ZNF91: variants seen among roughly 807,000 people sequenced by gnomAD.
The protein encoded by ZNF91 is zinc finger protein 91 (HPF7, HTF10).
Under a neutral mutation model 12.6 loss-of-function variants are expected in ZNF91, and 7 were observed. The observed-to-expected ratio is 0.55, with a 90% CI of 0.31 to 1.04. The LOEUF (loss-of-function observed/expected upper bound fraction) is 1.04. ZNF91 is among the 50% of genes least tolerant of loss of function. The pLI is 0.05. For missense variants in ZNF91, 1,217 were observed against 1,385.4 expected (o/e 0.88, Z 1.93); for synonymous variants, 453 against 462.6 (o/e 0.98, Z 0.27).
At chr19:23,343,880 TAAA>T (rs1968169379) in intron 3 of ZNF91, among the ~76,000 whole-genome samples, 1 of 152,210 alleles carries the variant, frequency 6.6e-6, no homozygotes, top group Non-Finnish European at 1.5e-5. Flanking sequence ...GCTTTCAGAT[TAAA>T]TGTGATTGTT....
At chr19:23,325,031 G>T (rs1289272510) in intron 1 of ZNF91, 1 of 151,684 alleles carries the variant, frequency 6.6e-6, no homozygotes, top group African/African-American at 2.4e-5. Flanking sequence ...TAATTTATAT[G>T]ATCTGGGACC....
intron 1 of ZNF91, among the ~76,000 whole-genome samples, chr19:23,331,664 G>C (rs1967930367): frequency 6.6e-6 from 1 of 152,110 alleles, no homozygotes; most frequent in Non-Finnish European, 1.5e-5. Context: ...GAACATGGTG[G>C]TCTGTGTGTT....
chr19:23,392,319 C>T lies in ZNF91; in HGVS notation c.30+3006G>A, dbSNP rs1970092731. 3.3e-5 allele frequency among the ~76,000 whole-genome samples: 5 copies of T among 149,886 alleles called. No individual in the cohort carries two copies. The South Asian group carries it at 1.0e-3, about 31-fold the overall frequency. On this transcript the variant is annotated intron_variant, in intron 1 of 3. Coordinates refer to ENST00000300619, the MANE Select transcript of ZNF91 (RefSeq NM_003430.4). ...GCTGAGGCAGGAGAATCACCTGAACCCAAAAGGCAGAGGTTGCAGTGAGTT... is the reference window on the plus strand; with the variant it reads ...GCTGAGGCAGGAGAATCACCTGAACTCAAAAGGCAGAGGTTGCAGTGAGTT...
chr19:23,337,954 A>G (rs1239272058), downstream of ZNF91: 1 of 152,128 alleles, frequency 6.6e-6, no homozygotes, highest in Non-Finnish European at 1.5e-5. Context: ...ACACTCAGAC[A>G]AAAATAAGGA....
intron 1 of ZNF91, among the ~76,000 whole-genome samples, chr19:23,384,311 G>C (rs1274619071): frequency 4.6e-5 from 7 of 152,030 alleles, no homozygotes; most frequent in Non-Finnish European, 1.0e-4. Context: ...AGGGACCTGG[G>C]GAGCTGCAGC....
chr19:23,357,614 T>C (rs986169069), downstream of ZNF91: 1 of 152,208 alleles, frequency 6.6e-6, no homozygotes, highest in African/African-American at 2.4e-5. Context: ...TAACAGTCCA[T>C]ATGTGCTTGC....
At chr19:23,337,604 C>T (rs1968039788), downstream of ZNF91, among the ~76,000 whole-genome samples, 1 of 151,650 alleles carries the variant, frequency 6.6e-6, no homozygotes, top group African/African-American at 2.4e-5. Context: ...AGGCTTATGA[C>T]ACTTTCAAAG....
intron 1 of ZNF91, among the ~76,000 whole-genome samples, chr19:23,387,973 C>CAGTG (rs1339164018): frequency 2.1e-5 from 3 of 141,284 alleles, no homozygotes; most frequent in African/African-American, 8.0e-5. Flanking sequence ...AGGCCAGGCA[C>CAGTG]AGTGGCTCAT....
chr19:23,314,723 T>C (rs1174706491), upstream of ZNF91, among the ~76,000 whole-genome samples: 1 of 152,206 alleles, frequency 6.6e-6, no homozygotes, highest in African/African-American at 2.4e-5. Flanking sequence ...GTAACTCTTC[T>C]TCCTGGGCTC....
intron 1 of ZNF91, among the ~76,000 whole-genome samples, chr19:23,333,007 A>T (rs949460994): frequency 6.6e-6 from 1 of 152,188 alleles, no homozygotes; most frequent in Non-Finnish European, 1.5e-5. Context: ...CATGGTGGGA[A>T]ATATTCCAGA....
At chr19:23,384,242 A>T (rs1233866299) in intron 1 of ZNF91, among the ~76,000 whole-genome samples, 1 of 152,184 alleles carries the variant, frequency 6.6e-6, no homozygotes, top group Non-Finnish European at 1.5e-5. Context: ...TAAACTTACA[A>T]ATAACTTCAG....
At chr19:23,322,444 G>C (rs1472819353) in intron 1 of ZNF91, among the ~76,000 whole-genome samples, 1 of 152,134 alleles carries the variant, frequency 6.6e-6, no homozygotes, top group African/African-American at 2.4e-5. Context: ...ACATATGTCT[G>C]GATCCAAAAC....
At chr19:23,369,887 T>C (rs1254370225) in intron 3 of ZNF91, among the ~76,000 whole-genome samples, 3 of 150,834 alleles carry the variant, frequency 2.0e-5, no homozygotes, top group African/African-American at 4.9e-5. Flanking sequence ...CAGGGTCCTC[T>C]GCCTAGGAAA....
At chr19:23,335,767 G>A (rs183498829), downstream of ZNF91, among the ~76,000 whole-genome samples, 14 of 152,248 alleles carry the variant, frequency 9.2e-5, no homozygotes, top group Non-Finnish European at 8.8e-5. Context: ...GACCCCTTGC[G>A]CTTTCTGGGT....
chr19:23,387,459 G>A (rs75124187), intron 1 of ZNF91, among the ~76,000 whole-genome samples: 28,627 of 152,210 alleles, frequency 0.19, 2,912 homozygotes, highest in Non-Finnish European at 0.21. Context: ...GCTCATGCCT[G>A]TAATCCCAGC....
intron 1 of ZNF91, among the ~76,000 whole-genome samples, chr19:23,376,592 T>C (rs1437492265): frequency 2.0e-5 from 3 of 152,162 alleles, no homozygotes; most frequent in Non-Finnish European, 4.4e-5. Context: ...TTTCTCCATG[T>C]TGGTCACACT....
intron 3 of ZNF91, among the ~76,000 whole-genome samples, chr19:23,343,795 C>A (rs1304293387): frequency 6.6e-6 from 1 of 152,192 alleles, no homozygotes; most frequent in African/African-American, 2.4e-5. Flanking sequence ...GTTTTTCCAG[C>A]AACCCACCAC....
Position 23,360,087 on chromosome 19 carries a change from T to G in ZNF91, c.2892A>C (p.Lys964Asn). The part of the protein sequence containing the change: ...TTHKIIHTGE[K>N]PYKCEECGKA... ...TGCCACATTCTTCACATTTGTAGGG[T>G]TTCTCTCCAGTATGAATTATCTTAT... Residue 964 changes from lysine to asparagine, a missense_variant, in exon 4 of 4, where the codon AAA becomes AAC. Physicochemically the swap from Lys to Asn is moderately conservative, Grantham distance 94. Transcript: ENST00000300619. The G allele has an allele frequency of 6.2e-7, 1 of 1,613,456 alleles. No individual in the cohort carries two copies. Among genetic ancestry groups the G allele is most frequent in the Non-Finnish European group, 8.5e-7 (1 of 1,179,980 alleles).
intron 1 of ZNF91, among the ~76,000 whole-genome samples, chr19:23,394,860 G>A (rs1362354176): frequency 1.3e-5 from 2 of 151,906 alleles, no homozygotes; most frequent in Admixed American, 1.3e-4. Flanking sequence ...ACCATAGCTG[G>A]GTGCTCTACA....
Sources: gnomAD v4.1 joint callset for allele counts (sites outside exome capture counted in the v4.1 genomes callset) on GRCh38, gnomAD v4.1.1 for gene constraint, MANE v1.5 for transcripts, NCBI Gene and HGNC (gene_info 2026-07-23, HGNC 2026-07-21) for gene names.